Variants in CACNB4 observed in about 807,000 individuals in gnomAD.
CACNB4 encodes calcium voltage-gated channel auxiliary subunit beta 4, also known as voltage-dependent L-type calcium channel subunit beta-4.
A neutral mutation model predicts 71.2 loss-of-function variants in CACNB4; 32 were observed. The observed-to-expected ratio is 0.45, with a 90% confidence interval of 0.34 to 0.60. The LOEUF (loss-of-function observed/expected upper bound fraction) is 0.60. Among genes scored for constraint, CACNB4 ranks in the 20% least tolerant of loss-of-function variants. CACNB4 has a pLI of 0.01. For synonymous variants in CACNB4, 231 were observed against 236.9 expected (o/e 0.97, Z 0.23); for missense variants, 464 against 647.9 (o/e 0.72, Z 3.08).
At chr2:152,014,086 C>T (rs1291041063) in intron 2 of CACNB4, among the ~76,000 whole-genome samples, 3 of 152,180 alleles carry the variant, frequency 2.0e-5, no homozygotes, top group African/African-American at 7.2e-5. Context: ...CTCATGCCTG[C>T]AATCCCAGCA....
upstream of CACNB4, chr2:152,099,071 G>C: frequency 3.3e-6 from 4 of 1,219,596 alleles, no homozygotes; most frequent in Non-Finnish European, 2.3e-6. Flanking sequence ...TGGCCCCCGA[G>C]GCTGGGCTGC....
intron 2 of CACNB4, chr2:151,969,246 T>C (rs1266609216): frequency 3.3e-5 from 5 of 152,300 alleles, no homozygotes; most frequent in Non-Finnish European, 7.4e-5. Flanking sequence ...GAAAGACTTT[T>C]TGACTCCAGA....
intron 2 of CACNB4, among the ~76,000 whole-genome samples, chr2:151,927,698 C>G (rs756901343): frequency 3.9e-5 from 6 of 152,150 alleles, no homozygotes; most frequent in Non-Finnish European, 8.8e-5. Context: ...CGTGCTTCAC[C>G]CAAGTCTTAT....
chr2:152,010,586 C>T (rs556376183), intron 2 of CACNB4, among the ~76,000 whole-genome samples: 1 of 152,340 alleles, frequency 6.6e-6, no homozygotes, highest in South Asian at 2.1e-4. Context: ...TATAGCACCC[C>T]TTAAGTGGAG....
intron 2 of CACNB4, among the ~76,000 whole-genome samples, chr2:151,941,572 G>A (rs773803324): frequency 4.6e-5 from 7 of 151,282 alleles, no homozygotes; most frequent in Admixed American, 6.6e-5. Context: ...ATGAGCCACC[G>A]TGCCCAACTT....
intron 2 of CACNB4, among the ~76,000 whole-genome samples, chr2:152,076,136 CTTTTTTTTTTTT>C (rs35400714): frequency 2.8e-5 from 2 of 71,202 alleles, no homozygotes; most frequent in African/African-American, 1.1e-4. Flanking sequence ...CACCTCTTTT[CTTTTTTTTTTTT>C]TTTTTTTTTT....
intron 13 of CACNB4, among the ~76,000 whole-genome samples, chr2:151,839,624 C>T (rs1178092699): frequency 6.6e-6 from 1 of 152,232 alleles, no homozygotes; most frequent in East Asian, 1.9e-4. Flanking sequence ...ACTATGCTTC[C>T]TATTACAAAT....
intron 2 of CACNB4, among the ~76,000 whole-genome samples, chr2:151,991,731 G>T (rs572400489): frequency 6.6e-6 from 1 of 151,948 alleles, no homozygotes; most frequent in Non-Finnish European, 1.5e-5. Flanking sequence ...TAAAAAAATC[G>T]TGAAAAACTA....
intron 2 of CACNB4, among the ~76,000 whole-genome samples, chr2:151,976,849 C>T (rs766876555): frequency 6.6e-6 from 1 of 152,310 alleles, no homozygotes; most frequent in East Asian, 1.9e-4. Context: ...CAGATCAGCT[C>T]CAGTCCCCAG....
intron 2 of CACNB4, among the ~76,000 whole-genome samples, chr2:152,069,473 AATCTC>A (rs1359465107): frequency 6.6e-6 from 1 of 151,400 alleles, no homozygotes; most frequent in Non-Finnish European, 1.5e-5. Context: ...CCTCCCACTG[AATCTC>A]ATCACAAGCA....
chr2:151,911,921 A>C (rs2099856268), intron 2 of CACNB4, among the ~76,000 whole-genome samples: 1 of 151,962 alleles, frequency 6.6e-6, no homozygotes, highest in Non-Finnish European at 1.5e-5. Flanking sequence ...CCAGGAATTC[A>C]TCCATTTCTT....
intron 2 of CACNB4, among the ~76,000 whole-genome samples, chr2:151,937,894 A>C (rs1489263086): frequency 6.6e-6 from 1 of 152,246 alleles, no homozygotes; most frequent in Non-Finnish European, 1.5e-5. Context: ...ATAAAAGCCA[A>C]GTGGTCTTCC....
chr2:152,095,505 C>T (rs1205601619), intron 2 of CACNB4, among the ~76,000 whole-genome samples: 3 of 151,850 alleles, frequency 2.0e-5, no homozygotes, highest in Non-Finnish European at 4.4e-5. Context: ...AAGAAACTAG[C>T]AATATATATA....
chr2:152,034,743 A>G (rs1684467248), intron 2 of CACNB4, among the ~76,000 whole-genome samples: 1 of 152,192 alleles, frequency 6.6e-6, no homozygotes, highest in African/African-American at 2.4e-5. Flanking sequence ...GCACCCCCAC[A>G]GTGCTCTTTT....
intron 2 of CACNB4, among the ~76,000 whole-genome samples, chr2:152,095,306 T>A (rs1455957625): frequency 6.6e-6 from 1 of 152,168 alleles, no homozygotes; most frequent in South Asian, 2.1e-4. Flanking sequence ...CATGCACACA[T>A]ATGTGCATAT....
intron 2 of CACNB4, among the ~76,000 whole-genome samples, chr2:152,041,071 T>C (rs1419992617): frequency 6.6e-6 from 1 of 152,208 alleles, no homozygotes; most frequent in Non-Finnish European, 1.5e-5. Flanking sequence ...CCACACTCCA[T>C]GGGAGAAACA....
chr2:152,052,764 G>A (rs1685513447), intron 2 of CACNB4, among the ~76,000 whole-genome samples: 1 of 152,084 alleles, frequency 6.6e-6, no homozygotes, highest in Non-Finnish European at 1.5e-5. Context: ...TGGATCCCAA[G>A]GTCTGGAATT....
At chr2:151,933,476 T>C (rs1209346415) in intron 2 of CACNB4, among the ~76,000 whole-genome samples, 1 of 152,068 alleles carries the variant, frequency 6.6e-6, no homozygotes, top group Non-Finnish European at 1.5e-5. Flanking sequence ...TTTGAGGGTG[T>C]TGGTTTTATT....
rs114566981 is a variant in CACNB4, at chr2:152,004,828, T to C, written c.147+93502A>G. Among the ~76,000 whole-genome samples, 226 of 152,228 alleles carry C rather than the reference T, an allele frequency of 1.5e-3. 1 individual carries two copies. The highest frequency in any genetic ancestry group is 5.0e-3 in the African/African-American group (208 of 41,532). ...TCAATAGGAAGACCATAAATATCAG[T>C]GGTTAAGCAGTTTTTCTGTTTCTTC... On this transcript the variant is annotated intron_variant, in intron 2 of 13. Transcript: ENST00000539935.
Sources: gnomAD v4.1 joint callset for allele counts (sites outside exome capture counted in the v4.1 genomes callset) on GRCh38, gnomAD v4.1.1 for gene constraint, MANE v1.5 for transcripts, NCBI Gene and HGNC (gene_info 2026-07-23, HGNC 2026-07-21) for gene names.